The following NPEPPS variants were observed in gnomAD, a reference collection of about 807,000 sequenced individuals.
NPEPPS encodes the protein aminopeptidase puromycin sensitive.
NPEPPS carries 14 observed loss-of-function variants against 115.5 expected under a neutral mutation model. The observed-to-expected ratio is 0.12, with a 90% CI of 0.08 to 0.19. The LOEUF is 0.19. Ranked by LOEUF, NPEPPS falls within the 10% of genes least tolerant of loss-of-function variation. The pLI is 1.00. For synonymous variants in NPEPPS, 285 were observed against 390.6 expected, an observed-to-expected ratio of 0.73 and a Z score of 3.19; for missense variants, 523 against 1,110.8, an observed-to-expected ratio of 0.47 and a Z score of 7.52.
intron 5 of NPEPPS, 85 bp downstream of exon 5, chr17:47,582,934 C>T: frequency 3.4e-6 from 2 of 589,608 alleles, no homozygotes; most frequent in Non-Finnish European, 6.0e-6. Flanking sequence ...AATATGAAAC[C>T]ACCTACCACA....
intron 2 of NPEPPS, among the ~76,000 whole-genome samples, chr17:47,565,485 G>A (rs1322883012): frequency 9.4e-5 from 12 of 128,068 alleles, no homozygotes; most frequent in African/African-American, 2.8e-4. Flanking sequence ...CAGCCTGGGC[G>A]ACAGAGCAAG....
rs570111368 is a variant in NPEPPS, at chr17:47,606,096, C to T, written c.2095+544C>T. 1.4e-4 allele frequency among the ~76,000 whole-genome samples: 21 copies of T among 152,140 alleles called. No individual in the cohort carries two copies. In the East Asian group the frequency reaches 1.6e-3, roughly 11 times the overall value. ...TTCACCACGTTGGTCAGGCTGGTCT[C>T]GAACCCCTGATCTCAGGTGATCCGC... On this transcript the variant is annotated intron_variant, in intron 17 of 22. Transcript: ENST00000322157.
chr17:47,567,899 T>G (rs1910932715), intron 2 of NPEPPS, among the ~76,000 whole-genome samples: 1 of 151,914 alleles, frequency 6.6e-6, no homozygotes, highest in Admixed American at 6.6e-5. Flanking sequence ...ATCTATTCCA[T>G]CAGTTGATGG....
In NPEPPS at chr17:47,546,828, C is replaced by T. The variant is rs1384106936; in HGVS notation, c.340+835C>T. ...GGATTACAGATGTGAGCCACCACAC[C>T]CGGCCAAATGTCACAATTTAAATTC... is the stretch of plus-strand genomic sequence containing the variant. On this transcript the variant is annotated intron_variant, in intron 2 of 22. Transcript: ENST00000322157. Among the ~76,000 whole-genome samples the T allele has an allele frequency of 2.6e-5, 4 of 152,072 alleles. No homozygotes were observed. The East Asian group carries it at 5.8e-4, about 22-fold the overall frequency.
chr17:47,556,518 C>G (rs1255693513), intron 2 of NPEPPS, among the ~76,000 whole-genome samples: 1 of 152,226 alleles, frequency 6.6e-6, no homozygotes, highest in Admixed American at 6.5e-5. Context: ...ATTTCTCTAT[C>G]TTTTCCCCAC....
chr17:47,575,512 T>C (rs1911461618), intron 3 of NPEPPS, among the ~76,000 whole-genome samples: 1 of 150,584 alleles, frequency 6.6e-6, no homozygotes, highest in African/African-American at 2.4e-5. Flanking sequence ...TATAACAATT[T>C]TGAGCTAATA....
At chr17:47,604,267 T>TA (rs1184466067) in intron 16 of NPEPPS, 3 of 395,470 alleles carry the variant, frequency 7.6e-6, no homozygotes, top group Non-Finnish European at 1.3e-5. Context: ...CTGAAACTCT[T>TA]AATTAAACTA....
At chr17:47,591,312 G>A (rs1384349900) in intron 10 of NPEPPS, among the ~76,000 whole-genome samples, 8 of 151,982 alleles carry the variant, frequency 5.3e-5, no homozygotes, top group East Asian at 3.9e-4. Context: ...CAGAGGTTGC[G>A]GTGAGCCGAG....
At chr17:47,547,025 T>A (rs1357151201) in intron 2 of NPEPPS, among the ~76,000 whole-genome samples, 1 of 152,218 alleles carries the variant, frequency 6.6e-6, no homozygotes, top group African/African-American at 2.4e-5. Context: ...AAGTTTTTTT[T>A]TCTTTTTGTA....
chr17:47,567,065 G>C (rs1910868718), intron 2 of NPEPPS, among the ~76,000 whole-genome samples: 1 of 152,154 alleles, frequency 6.6e-6, no homozygotes. Context: ...GGGCAACAAA[G>C]TGAGATCCTG....
intron 12 of NPEPPS, among the ~76,000 whole-genome samples, chr17:47,595,571 T>A (rs776558485): frequency 6.6e-6 from 1 of 152,186 alleles, no homozygotes; most frequent in Non-Finnish European, 1.5e-5. Flanking sequence ...GGCCAGGTGT[T>A]ATGACTCACA....
intron 12 of NPEPPS, chr17:47,592,768 T>A (rs951207614): frequency 4.6e-6 from 2 of 436,762 alleles, no homozygotes; most frequent in Non-Finnish European, 8.5e-6. Flanking sequence ...TTCTTTTTTT[T>A]AATTAAAGTT....
chr17:47,598,267 G>C (rs779053275), intron 13 of NPEPPS, among the ~76,000 whole-genome samples: 6 of 152,136 alleles, frequency 3.9e-5, no homozygotes, highest in Non-Finnish European at 7.4e-5. Flanking sequence ...GAGCTCAGGA[G>C]TTCAAGACAA....
intron 12 of NPEPPS, chr17:47,592,789 T>C (rs1912591134): frequency 8.1e-6 from 3 of 368,712 alleles, no homozygotes; most frequent in African/African-American, 6.3e-5. Flanking sequence ...CTAGGGTGCA[T>C]GTGCACAATG....
chr17:47,593,286 G>A lies in NPEPPS; in HGVS notation c.1426+741G>A, dbSNP rs565243534. On this transcript the variant is annotated intron_variant, in intron 12 of 22. Coordinates refer to ENST00000322157, the MANE Select transcript of NPEPPS (RefSeq NM_006310.4). Reference sequence around the variant, plus strand: ...TGCCAACTTAAAGAGTCTGGGCCGGGTGTGGTGGCTCACGCCTGTAATCCT... The same window carrying A: ...TGCCAACTTAAAGAGTCTGGGCCGGATGTGGTGGCTCACGCCTGTAATCCT... Among the ~76,000 whole-genome samples the A allele has an allele frequency of 1.1e-3, 161 of 152,330 alleles. 1 individual carries two copies. The highest frequency in any genetic ancestry group is 3.8e-3 in the African/African-American group (159 of 41,572).
At chr17:47,599,412 T>C (rs978542846) in intron 13 of NPEPPS, among the ~76,000 whole-genome samples, 3 of 152,352 alleles carry the variant, frequency 2.0e-5, no homozygotes, top group Non-Finnish European at 4.4e-5. Context: ...TGGTAACTAA[T>C]AAATGACACA....
intron 2 of NPEPPS, among the ~76,000 whole-genome samples, chr17:47,554,849 G>A (rs1909894744): frequency 6.6e-6 from 1 of 152,152 alleles, no homozygotes; most frequent in Admixed American, 6.6e-5. Context: ...GGGCTGGGTG[G>A]CATATATATA....
chr17:47,547,796 G>A (rs1231160396), intron 2 of NPEPPS, among the ~76,000 whole-genome samples: 1 of 152,150 alleles, frequency 6.6e-6, no homozygotes, highest in African/African-American at 2.4e-5. Flanking sequence ...GGAGGCCGAG[G>A]CGGGTGGATC....
At chr17:47,568,695 G>T (rs1309444182) in intron 2 of NPEPPS, among the ~76,000 whole-genome samples, 1 of 151,416 alleles carries the variant, frequency 6.6e-6, no homozygotes, top group Non-Finnish European at 1.5e-5. Flanking sequence ...CTCTGTTGTT[G>T]TTTAGGCTGG....
Sources: allele counts gnomAD v4.1 joint callset (sites outside exome capture counted in the v4.1 genomes callset), GRCh38; gene constraint gnomAD v4.1.1; transcripts MANE v1.5; gene names NCBI Gene and HGNC (gene_info 2026-07-23, HGNC 2026-07-21).